The following BCLAF1 variants were observed in gnomAD, a reference collection of about 807,000 sequenced individuals.
BCLAF1 encodes the protein BCL2 associated transcription factor 1, also known as bcl-2-associated transcription factor 1.
Under a neutral mutation model 99.5 loss-of-function variants are expected in BCLAF1, and 10 were observed. That is an observed-to-expected ratio of 0.10 (90% CI 0.06 to 0.17). The LOEUF is 0.17. Among genes scored for constraint, BCLAF1 ranks in the 10% least tolerant of loss-of-function variants. The pLI, the probability that BCLAF1 is intolerant of heterozygous loss-of-function variation, is 1.00. For synonymous variants in BCLAF1, 255 were observed against 370.9 expected, an observed-to-expected ratio of 0.69 and a Z score of 3.59; for missense variants, 636 against 1,105.8, an observed-to-expected ratio of 0.58 and a Z score of 6.02.
chr6:136,283,496 C>T (rs1784654824), intron 1 of BCLAF1, among the ~76,000 whole-genome samples: 1 of 152,156 alleles, frequency 6.6e-6, no homozygotes, highest in Admixed American at 6.5e-5. Flanking sequence ...ATAAACTTTG[C>T]ACAAAATATT....
intron 8 of BCLAF1, 54 bp downstream of exon 8, chr6:136,271,941 T>C: frequency 7.8e-7 from 1 of 1,279,778 alleles, no homozygotes; most frequent in Non-Finnish European, 1.1e-6. Flanking sequence ...TTTGGTACAA[T>C]ATCATTAACT....
intron 2 of BCLAF1, among the ~76,000 whole-genome samples, chr6:136,281,033 G>C (rs1784326765): frequency 6.6e-6 from 1 of 152,068 alleles, no homozygotes; most frequent in African/African-American, 2.4e-5. Flanking sequence ...ATAGTATTTG[G>C]AGGTACTAAG....
intron 3 of BCLAF1, among the ~76,000 whole-genome samples, chr6:136,279,135 T>C (rs1213862699): frequency 3.3e-5 from 5 of 152,184 alleles, no homozygotes; most frequent in Middle Eastern, 3.4e-3. Context: ...CATGGCATAA[T>C]ATATAGTTAA....
intron 10 of BCLAF1, 102 bp downstream of exon 10, chr6:136,268,060 T>C (rs955520297): frequency 9.0e-7 from 1 of 1,113,702 alleles, no homozygotes; most frequent in African/African-American, 1.6e-5. Context: ...TTAGGAATAA[T>C]GACACACATA....
chr6:136,283,373 T>C (rs2128489986), intron 1 of BCLAF1, among the ~76,000 whole-genome samples: 1 of 152,240 alleles, frequency 6.6e-6, no homozygotes, highest in East Asian at 1.9e-4. Context: ...TTAAATTCTG[T>C]GCCTAAAAGC....
At chr6:136,269,388 A>T in intron 9 of BCLAF1, 49 bp downstream of exon 9, 1 of 1,582,022 alleles carries the variant, frequency 6.3e-7, no homozygotes, top group Non-Finnish European at 8.6e-7. Flanking sequence ...GACAATTATT[A>T]AAGGCTAATT....
At chr6:136,277,010 A>G (rs1369706426) in intron 4 of BCLAF1, among the ~76,000 whole-genome samples, 2 of 152,212 alleles carry the variant, frequency 1.3e-5, no homozygotes, top group Non-Finnish European at 2.9e-5. Flanking sequence ...CTAGAAAAAT[A>G]ATGATTTCTG....
chr6:136,270,746 T>C (rs1782398549), intron 8 of BCLAF1, among the ~76,000 whole-genome samples: 1 of 151,884 alleles, frequency 6.6e-6, no homozygotes, highest in African/African-American at 2.4e-5. Context: ...TGGCATATCC[T>C]CTTGTCTATT....
chr6:136,273,580 T>C (rs1782853099), intron 6 of BCLAF1: 2 of 161,174 alleles, frequency 1.2e-5, no homozygotes, highest in African/African-American at 2.4e-5. Flanking sequence ...CAGGAAAATA[T>C]GGAGTTAACT....
In BCLAF1 at chr6:136,260,872, T is replaced by A; in HGVS notation, c.*238A>T. The A allele has an allele frequency of 2.0e-6, 1 of 490,006 alleles. No homozygotes were observed. The highest frequency in any genetic ancestry group is 3.3e-5 in the East Asian group (1 of 30,068). The allele number at this position is 490,006 out of a possible 1,614,324, so 30.4% of individuals were successfully genotyped here. A position where few individuals can be genotyped will look rare whatever the true frequency, so the allele number is the denominator to read the frequency against. ...CATGTAACAAAAACGTTAAAAGTTT[T>A]AAAAGTTGATAGTTACAAATATGGT... On this transcript the variant is annotated 3_prime_UTR_variant, in exon 13 of 13. Coordinates refer to ENST00000531224, the MANE Select transcript of BCLAF1 (RefSeq NM_014739.3).
chr6:136,271,270 T>C (rs1227652709), intron 8 of BCLAF1, among the ~76,000 whole-genome samples: 1 of 151,840 alleles, frequency 6.6e-6, no homozygotes, highest in Non-Finnish European at 1.5e-5. Flanking sequence ...AGTCCCCTAA[T>C]CTCTTCAAAA....
intron 8 of BCLAF1, 131 bp downstream of exon 8, chr6:136,271,864 C>G: frequency 1.5e-6 from 1 of 667,368 alleles, no homozygotes; most frequent in Non-Finnish European, 2.6e-6. Flanking sequence ...AGTATGTACA[C>G]TACCATAATA....
At chr6:136,268,924 C>T (rs769480100) in intron 9 of BCLAF1, among the ~76,000 whole-genome samples, 16 of 151,904 alleles carry the variant, frequency 1.1e-4, no homozygotes, top group Non-Finnish European at 2.1e-4. Context: ...TTTAATGCAA[C>T]ACCCGAAAAG....
intron 9 of BCLAF1, chr6:136,268,613 T>A: frequency 3.4e-6 from 1 of 290,756 alleles, no homozygotes; most frequent in Non-Finnish European, 6.5e-6. Context: ...TTAGTATTTT[T>A]AAATTAAGTT....
chr6:136,261,511 T>C (rs1427186481), intron 11 of BCLAF1, 34 bp from the exon 12 acceptor site: 2 of 1,585,516 alleles, frequency 1.3e-6, no homozygotes, highest in Non-Finnish European at 1.7e-6. Context: ...GTCAATGAAA[T>C]GTTTCTTGTA....
chr6:136,268,383 T>C, intron 9 of BCLAF1, 44 bp from the exon 10 acceptor site: 1 of 1,504,448 alleles, frequency 6.6e-7, no homozygotes, highest in Non-Finnish European at 9.0e-7. Context: ...TTTAAAAAGA[T>C]AAAGACCCTG....
At chr6:136,289,257 A>G (rs1022038075) in intron 1 of BCLAF1, among the ~76,000 whole-genome samples, 6 of 152,272 alleles carry the variant, frequency 3.9e-5, no homozygotes, top group Admixed American at 1.3e-4. Flanking sequence ...CCACGAAGAA[A>G]GGTGGCAGTC....
intron 8 of BCLAF1, among the ~76,000 whole-genome samples, chr6:136,270,550 A>G (rs1782366088): frequency 6.6e-6 from 1 of 151,766 alleles, no homozygotes; most frequent in Non-Finnish European, 1.5e-5. Flanking sequence ...CTACTCACCT[A>G]TTTGCTCCCA....
At chr6:136,266,968 T>C in intron 11 of BCLAF1, 61 bp downstream of exon 11, 1 of 1,565,256 alleles carries the variant, frequency 6.4e-7, no homozygotes, top group Non-Finnish European at 8.7e-7. Flanking sequence ...CTCAAATTTA[T>C]TCACCTAGTA....
Sources: gnomAD v4.1 joint callset for allele counts (sites outside exome capture counted in the v4.1 genomes callset) on GRCh38, gnomAD v4.1.1 for gene constraint, MANE v1.5 for transcripts, NCBI Gene and HGNC (gene_info 2026-07-23, HGNC 2026-07-21) for gene names.